KCNK1: variants seen among roughly 807,000 people sequenced by gnomAD.
KCNK1 encodes potassium two pore domain channel subfamily K member 1, also known as potassium channel subfamily K member 1.
KCNK1 carries 10 observed loss-of-function variants against 22.2 expected under a neutral mutation model. That is an observed-to-expected ratio of 0.45 (90% CI 0.28 to 0.76). KCNK1 has a LOEUF of 0.76. KCNK1 is among the 30% of genes least tolerant of loss of function. KCNK1 has a pLI of 0.14. For missense variants in KCNK1, 378 were observed against 421.0 expected (o/e 0.90, Z 0.89); for synonymous variants, 200 against 186.4 (o/e 1.07, Z -0.60).
intron 2 of KCNK1, among the ~76,000 whole-genome samples, chr1:233,669,589 T>A (rs979766200): frequency 3.3e-5 from 5 of 152,196 alleles, no homozygotes; most frequent in Non-Finnish European, 5.9e-5. Flanking sequence ...GGCTCATGCC[T>A]GTAATCATAG....
chr1:233,659,436 T>TA (rs544919369), intron 1 of KCNK1, among the ~76,000 whole-genome samples: 100 of 148,798 alleles, frequency 6.7e-4, no homozygotes, highest in Admixed American at 1.3e-3. Context: ...TATTTTTTAT[T>TA]AAAAAAAATG....
chr1:233,667,722 T>A (rs1212566443), intron 2 of KCNK1, among the ~76,000 whole-genome samples: 1 of 81,690 alleles, frequency 1.2e-5, no homozygotes, highest in Non-Finnish European at 2.2e-5. Flanking sequence ...AGAGCGAGAC[T>A]CCGTCTCAAA....
chr1:233,614,357 C>G lies in KCNK1; in HGVS notation c.186C>G (p.Arg62=), dbSNP rs558284054. Residue 62 remains arginine (R), a synonymous_variant, in exon 1 of 3, where the codon CGC becomes CGG. Transcript: ENST00000366621. The part of the protein sequence containing the change: ...LRQELRKLKR[R]FLEEHECLSE... ...AGGAGCTGCGCAAGCTGAAGCGACGCTTCTTGGAGGAGCACGAGTGCCTGT... is the reference window on the plus strand; with the variant it reads ...AGGAGCTGCGCAAGCTGAAGCGACGGTTCTTGGAGGAGCACGAGTGCCTGT... 4.3e-6 allele frequency: 7 copies of G among 1,611,500 alleles called. No homozygotes were observed. In the South Asian group the frequency reaches 7.7e-5, roughly 18 times the overall value.
chr1:233,639,376 G>A (rs904556810), intron 1 of KCNK1, among the ~76,000 whole-genome samples: 2 of 152,214 alleles, frequency 1.3e-5, no homozygotes, highest in Admixed American at 6.5e-5. Context: ...TGGATAAATA[G>A]TAGATATGTC....
chr1:233,625,049 C>T (rs1657663469), intron 1 of KCNK1, among the ~76,000 whole-genome samples: 1 of 152,216 alleles, frequency 6.6e-6, no homozygotes, highest in South Asian at 2.1e-4. Context: ...AAGGCATATA[C>T]AGTTGCTTGA....
intron 1 of KCNK1, chr1:233,660,596 G>T (rs1658373254): frequency 6.6e-6 from 1 of 152,170 alleles, no homozygotes; most frequent in South Asian, 2.1e-4. Flanking sequence ...CTTGATAGAT[G>T]TTTTGCTGAC....
chr1:233,654,209 A>G (rs1482536983), intron 1 of KCNK1, among the ~76,000 whole-genome samples: 2 of 151,676 alleles, frequency 1.3e-5, no homozygotes, highest in Non-Finnish European at 2.9e-5. Context: ...GGTGGGGGGG[A>G]AAGGGAAGGG....
At chr1:233,617,530 C>T (rs780096041) in intron 1 of KCNK1, among the ~76,000 whole-genome samples, 7 of 152,154 alleles carry the variant, frequency 4.6e-5, no homozygotes, top group Non-Finnish European at 8.8e-5. Flanking sequence ...ATGACATAGA[C>T]GCCTTTAGAA....
At chr1:233,621,826 C>A (rs1657591572) in intron 1 of KCNK1, among the ~76,000 whole-genome samples, 1 of 152,112 alleles carries the variant, frequency 6.6e-6, no homozygotes, top group South Asian at 2.1e-4. Context: ...GAAATGATGT[C>A]TTTCCTTTTA....
chr1:233,649,917 C>G lies in KCNK1; in HGVS notation c.356-16678C>G, dbSNP rs529137592. On this transcript the variant is annotated intron_variant, in intron 1 of 2. Coordinates refer to ENST00000366621, the MANE Select transcript of KCNK1 (RefSeq NM_002245.4). ...TCTAGGTCTAGAACACCATCCTCTTCTGTGTTCTGCCACTAAATGATGGGT... is the reference window on the plus strand; with the variant it reads ...TCTAGGTCTAGAACACCATCCTCTTGTGTGTTCTGCCACTAAATGATGGGT... The G allele has an allele frequency of 3.8e-5, 20 of 532,978 alleles. No individual in the cohort carries two copies. The East Asian group carries it at 1.1e-3, about 29-fold the overall frequency. 33.0% of individuals were successfully genotyped at this position (532,978 alleles called of 1,614,324 possible).
intron 1 of KCNK1, among the ~76,000 whole-genome samples, chr1:233,664,800 G>C (rs1048876667): frequency 6.6e-6 from 1 of 152,198 alleles, no homozygotes; most frequent in Non-Finnish European, 1.5e-5. Context: ...TAAGGAGTTT[G>C]TTTATTTTTA....
intron 1 of KCNK1, 23 bp downstream of exon 1, chr1:233,614,549 T>C: frequency 6.6e-7 from 1 of 1,523,560 alleles, no homozygotes; most frequent in South Asian, 1.3e-5. Flanking sequence ...GCGCGCCCCC[T>C]GGCCGCCCCG....
At chr1:233,663,102 G>C (rs1022639613) in intron 1 of KCNK1, among the ~76,000 whole-genome samples, 13 of 152,162 alleles carry the variant, frequency 8.5e-5, no homozygotes, top group African/African-American at 3.1e-4. Context: ...TACTGCAAAC[G>C]AAGCGCTGTG....
chr1:233,657,958 A>T (rs1197634583), intron 1 of KCNK1, among the ~76,000 whole-genome samples: 1 of 152,220 alleles, frequency 6.6e-6, no homozygotes, highest in African/African-American at 2.4e-5. Flanking sequence ...AATTGTATGT[A>T]ACATACGTGT....
chr1:233,645,742 G>C (rs377362422), intron 1 of KCNK1, among the ~76,000 whole-genome samples: 2 of 152,160 alleles, frequency 1.3e-5, no homozygotes, highest in African/African-American at 4.8e-5. Flanking sequence ...GTACATTAGG[G>C]GGTGGAGGAT....
At chr1:233,642,308 T>C (rs1052000651) in intron 1 of KCNK1, among the ~76,000 whole-genome samples, 2 of 152,198 alleles carry the variant, frequency 1.3e-5, no homozygotes, top group African/African-American at 4.8e-5. Context: ...AGGTTTCCAC[T>C]TCTATCTCAT....
intron 1 of KCNK1, among the ~76,000 whole-genome samples, chr1:233,646,287 T>G (rs1658092288): frequency 6.6e-6 from 1 of 152,170 alleles, no homozygotes; most frequent in Non-Finnish European, 1.5e-5. Context: ...AAGATACCCA[T>G]ACTTGTGCTC....
intron 1 of KCNK1, among the ~76,000 whole-genome samples, chr1:233,627,069 C>T (rs1657701662): frequency 6.6e-6 from 1 of 151,740 alleles, no homozygotes; most frequent in African/African-American, 2.4e-5. Context: ...CAAATAAACA[C>T]ATTGACGATT....
At chr1:233,650,108 G>A (rs1278199156) in intron 1 of KCNK1, 2 of 517,352 alleles carry the variant, frequency 3.9e-6, no homozygotes, top group East Asian at 1.1e-4. Context: ...TTTTAGGAGA[G>A]GAGACCTACA....
Sources: allele counts gnomAD v4.1 joint callset (sites outside exome capture counted in the v4.1 genomes callset), GRCh38; gene constraint gnomAD v4.1.1; transcripts MANE v1.5; gene names NCBI Gene and HGNC (gene_info 2026-07-23, HGNC 2026-07-21).